Variants in SRBD1 observed in about 807,000 individuals in gnomAD.
The protein encoded by SRBD1 is S1 RNA binding domain 1.
In SRBD1, 88 loss-of-function variants were observed where a neutral mutation model predicts 115.3. The observed-to-expected ratio is 0.76, with a 90% CI of 0.64 to 0.91. SRBD1 has a LOEUF of 0.91. Among genes scored for constraint, SRBD1 ranks in the 40% least tolerant of loss-of-function variants. SRBD1 has a pLI of 0.00. For missense variants in SRBD1, 1,385 were observed against 1,177.4 expected, an observed-to-expected ratio of 1.18 and a Z score of -2.58; for synonymous variants, 509 against 407.7, an observed-to-expected ratio of 1.25 and a Z score of -2.99.
At chr2:45,396,286 T>C (rs1332069329) in intron 19 of SRBD1, among the ~76,000 whole-genome samples, 1 of 152,216 alleles carries the variant, frequency 6.6e-6, no homozygotes, top group East Asian at 1.9e-4. Context: ...ATAATACTTT[T>C]AGTAATATTT....
At chr2:45,408,089 A>G (rs1045558184) in intron 19 of SRBD1, among the ~76,000 whole-genome samples, 1 of 152,208 alleles carries the variant, frequency 6.6e-6, no homozygotes, top group Admixed American at 6.5e-5. Flanking sequence ...TTTATTTCCA[A>G]TAGTTTTCTG....
rs1667732081 is a variant in SRBD1, at chr2:45,414,718, A to ATACACAAACACAGTGTGTATATAGTATG, written c.2334-1426_2334-1425insCATACTATATACACACTGTGTTTGTGTA. Among the ~76,000 whole-genome samples the ATACACAAACACAGTGTGTATATAGTATG allele has an allele frequency of 1.9e-5, 2 of 105,864 alleles. 1 individual carries two copies. Among genetic ancestry groups the ATACACAAACACAGTGTGTATATAGTATG allele is most frequent in the Non-Finnish European group, 4.3e-5 (2 of 46,270 alleles). The allele number at this position is 105,864 out of a possible 152,430, so 69.5% of individuals were successfully genotyped here. On this transcript the variant is annotated intron_variant, in intron 18 of 20. Transcript: ENST00000263736. ...CACATAGTGTGTATATAGTATGTAT[A>ATACACAAACACAGTGTGTATATAGTATG]TACACACACACAGTGTGTATATAGT...
intron 2 of SRBD1, among the ~76,000 whole-genome samples, chr2:45,604,292 G>C (rs1160868491): frequency 6.6e-6 from 1 of 151,280 alleles, no homozygotes; most frequent in Non-Finnish European, 1.5e-5. Flanking sequence ...TCTAATACCA[G>C]GGAAGATCAA....
chr2:45,581,641 C>T (rs1047596906), intron 6 of SRBD1, 52 bp downstream of exon 6: 2 of 1,394,616 alleles, frequency 1.4e-6, no homozygotes, highest in African/African-American at 2.9e-5. Context: ...TAAGAAGACC[C>T]AAATTGCAAT....
chr2:45,509,504 G>C (rs150142835), intron 14 of SRBD1, among the ~76,000 whole-genome samples: 1 of 151,782 alleles, frequency 6.6e-6, no homozygotes, highest in African/African-American at 2.4e-5. Flanking sequence ...GCTGAGGCAG[G>C]AGAATGGCGT....
At chr2:45,605,324 A>G (rs745729703) in intron 2 of SRBD1, 38 bp downstream of exon 2, 45 of 1,570,026 alleles carry the variant, frequency 2.9e-5, no homozygotes, top group Non-Finnish European at 3.7e-5. Flanking sequence ...TAAAATATTC[A>G]TCATTCCCCT....
At chr2:45,446,611 G>T (rs1274122152) in intron 16 of SRBD1, among the ~76,000 whole-genome samples, 4 of 151,814 alleles carry the variant, frequency 2.6e-5, no homozygotes, top group African/African-American at 9.7e-5. Context: ...TTTCCCAGAA[G>T]TGAAGGACAT....
chr2:45,416,665 C>T (rs1667841651), intron 18 of SRBD1, among the ~76,000 whole-genome samples: 1 of 152,190 alleles, frequency 6.6e-6, no homozygotes, highest in Admixed American at 6.5e-5. Flanking sequence ...GGTGACATAA[C>T]TGTAAATTTA....
At chr2:45,466,447 ATCCTGACC>A (rs1295510209) in intron 16 of SRBD1, among the ~76,000 whole-genome samples, 28 of 152,054 alleles carry the variant, frequency 1.8e-4, no homozygotes, top group Admixed American at 1.8e-3. Flanking sequence ...ACACATTCAA[ATCCTGACC>A]TCCTTAAATA....
Position 45,546,859 on chromosome 2 carries a change from T to G in SRBD1, c.1767-20A>C. On this transcript the variant is annotated intron_variant, in intron 13 of 20. Transcript: ENST00000263736. The stretch of plus-strand genomic sequence containing the variant: ...CTGCAGCTTCAAGGCAGAAACAGAA[T>G]GACAAACTGAATTTCAAGGCATGCT... 1.9e-6 allele frequency: 3 copies of G among 1,608,446 alleles called. No individual in the cohort carries two copies. The highest frequency in any genetic ancestry group is 2.6e-6 in the Non-Finnish European group (3 of 1,174,932).
At chr2:45,541,599 T>C (rs1304283332) in intron 14 of SRBD1, among the ~76,000 whole-genome samples, 2 of 152,218 alleles carry the variant, frequency 1.3e-5, no homozygotes, top group Non-Finnish European at 2.9e-5. Flanking sequence ...AGGCAGGTTG[T>C]CCCAATGAGT....
At chr2:45,408,915 C>CA (rs1339110968) in intron 19 of SRBD1, among the ~76,000 whole-genome samples, 1 of 152,040 alleles carries the variant, frequency 6.6e-6, no homozygotes, top group Non-Finnish European at 1.5e-5. Flanking sequence ...TGGAAACAAA[C>CA]AAAAACATAC....
intron 19 of SRBD1, among the ~76,000 whole-genome samples, chr2:45,398,474 A>T (rs1667207748): frequency 6.6e-6 from 1 of 152,202 alleles, no homozygotes; most frequent in South Asian, 2.1e-4. Flanking sequence ...CCTGCTTCTG[A>T]CTTCTGAAGA....
chr2:45,593,142 T>C (rs1456874134), intron 4 of SRBD1, among the ~76,000 whole-genome samples: 1 of 152,228 alleles, frequency 6.6e-6, no homozygotes, highest in African/African-American at 2.4e-5. Context: ...GGTACTTATT[T>C]TGACTGTTGT....
chr2:45,405,748 A>C (rs1367310815), intron 19 of SRBD1, among the ~76,000 whole-genome samples: 2 of 124,612 alleles, frequency 1.6e-5, no homozygotes. Flanking sequence ...ATGTGGCAGA[A>C]TGGGTAAAAG....
rs1302411920 is a variant in SRBD1, at chr2:45,423,124, C to T, written c.2050-3230G>A. Among the ~76,000 whole-genome samples, 4 of 152,134 alleles carry T rather than the reference C, an allele frequency of 2.6e-5. No homozygotes were observed. The South Asian group carries it at 8.3e-4, about 32-fold the overall frequency. The stretch of plus-strand genomic sequence containing the variant: ...TGTGCAAAACAATAAAAATGACGGA[C>T]CCCAGATGTGTTGTTGGTAATGATA... On this transcript the variant is annotated intron_variant, in intron 16 of 20. Coordinates refer to ENST00000263736, the MANE Select transcript of SRBD1 (RefSeq NM_018079.5).
In SRBD1 at chr2:45,599,820, T is replaced by C. The variant is rs143793732; in HGVS notation, c.277A>G (p.Ile93Val). Residue 93 changes from isoleucine to valine, a missense_variant, in exon 4 of 21, where the codon ATT becomes GTT. Coordinates refer to ENST00000263736, the MANE Select transcript of SRBD1 (RefSeq NM_018079.5). ...VKEELNSSVA[I>V]ADTALEDRKN... ...CTGTCTTCTAAAGCAGTATCAGCAA[T>C]AGCCACAGAGCTATTCTATCAAACC... 9.9e-6 allele frequency: 16 copies of C among 1,612,714 alleles called. No individual in the cohort carries two copies. Among genetic ancestry groups the C allele is most frequent in the Admixed American group, 1.7e-5 (1 of 59,760 alleles).
chr2:45,472,918 T>G (rs947467465), intron 16 of SRBD1, among the ~76,000 whole-genome samples: 1 of 151,648 alleles, frequency 6.6e-6, no homozygotes, highest in African/African-American at 2.4e-5. Flanking sequence ...TTTTCATTTA[T>G]GTGGAATATT....
chr2:45,580,676 CTTTTTTTTTTTTTTTTT>C (rs369067711), intron 6 of SRBD1, among the ~76,000 whole-genome samples: 4 of 76,350 alleles, frequency 5.2e-5, no homozygotes, highest in African/African-American at 2.5e-4. Context: ...TCTTCTACTT[CTTTTTTTTTTTTTTTTT>C]TTTTTTTTTT....
Sources: allele counts gnomAD v4.1 joint callset (sites outside exome capture counted in the v4.1 genomes callset), GRCh38; gene constraint gnomAD v4.1.1; transcripts MANE v1.5; gene names NCBI Gene and HGNC (gene_info 2026-07-23, HGNC 2026-07-21).